Variants in GALNT13 observed in about 807,000 individuals in gnomAD.
GALNT13 encodes the protein polypeptide N-acetylgalactosaminyltransferase 13, also known as UDP-GalNAc:polypeptide N-acetylgalactosaminyltransferase 13.
A neutral mutation model predicts 64.2 loss-of-function variants in GALNT13; 28 were observed. That is an observed-to-expected ratio of 0.44 (90% CI 0.32 to 0.60). The LOEUF (loss-of-function observed/expected upper bound fraction) is 0.60. GALNT13 is among the 20% of genes least tolerant of loss of function. The probability of loss-of-function intolerance (pLI) is 0.05; values close to 1 mark genes in which losing one functional copy is unlikely to be tolerated. For synonymous variants in GALNT13, 214 were observed against 224.6 expected (o/e 0.95, Z 0.42); for missense variants, 577 against 669.8 (o/e 0.86, Z 1.53).
the GALNT13 span, among the ~76,000 whole-genome samples, chr2:153,543,664 T>G: frequency 5.6e-4 from 85 of 152,264 alleles, 1 homozygote; most frequent in East Asian, 0.014. Context: ...GAAAACTCAA[T>G]AAATGCCTGT....
chr2:154,298,461 A>G (rs1461048041), intron 8 of GALNT13, among the ~76,000 whole-genome samples: 1 of 108,208 alleles, frequency 9.2e-6, no homozygotes, highest in South Asian at 3.3e-4. Context: ...TTATATATAC[A>G]TATATAAATT....
intron 1 of GALNT13, among the ~76,000 whole-genome samples, chr2:153,879,658 C>T (rs375213151): frequency 2.6e-5 from 4 of 152,032 alleles, no homozygotes; most frequent in African/African-American, 7.2e-5. Flanking sequence ...CAGGCATGAG[C>T]CACTGATCCT....
At chr2:154,153,286 C>T (rs1684174213) in intron 4 of GALNT13, among the ~76,000 whole-genome samples, 1 of 148,178 alleles carries the variant, frequency 6.7e-6, no homozygotes, top group African/African-American at 2.5e-5. Context: ...GATCATTCCT[C>T]TGGAAGTGTC....
chr2:153,123,833 T>C, the GALNT13 span, among the ~76,000 whole-genome samples: 1 of 152,146 alleles, frequency 6.6e-6, no homozygotes, highest in Non-Finnish European at 1.5e-5. Context: ...TAGTAAGCAG[T>C]GTCTAAAATT....
the GALNT13 span, among the ~76,000 whole-genome samples, chr2:153,106,003 T>G: frequency 1.2e-4 from 19 of 152,310 alleles, no homozygotes; most frequent in African/African-American, 4.6e-4. Flanking sequence ...GTCAAGTCTC[T>G]GTTGACATGA....
the GALNT13 span, among the ~76,000 whole-genome samples, chr2:153,636,778 A>G: frequency 3.3e-5 from 5 of 152,272 alleles, no homozygotes; most frequent in Non-Finnish European, 7.4e-5. Flanking sequence ...ATTGCTAGGA[A>G]TTTAGAGGAA....
chr2:154,158,874 G>GGGTT (rs750655223), intron 4 of GALNT13, among the ~76,000 whole-genome samples: 5 of 151,926 alleles, frequency 3.3e-5, no homozygotes, highest in Non-Finnish European at 7.4e-5. Flanking sequence ...AGTCATAAAT[G>GGGTT]GGTTAACCCA....
chr2:153,197,996 G>A, the GALNT13 span, among the ~76,000 whole-genome samples: 3 of 152,162 alleles, frequency 2.0e-5, no homozygotes, highest in Non-Finnish European at 4.4e-5. Context: ...ACCTCCCTTG[G>A]CCCTGCTTGT....
chr2:154,274,189 G>A (rs1236945508), intron 8 of GALNT13, among the ~76,000 whole-genome samples: 1 of 152,148 alleles, frequency 6.6e-6, no homozygotes, highest in African/African-American at 2.4e-5. Context: ...GTGTGGGTAT[G>A]TAAGATAGCA....
the GALNT13 span, among the ~76,000 whole-genome samples, chr2:153,661,247 T>C: frequency 4.6e-5 from 7 of 152,304 alleles, no homozygotes; most frequent in Admixed American, 2.0e-4. Context: ...TCAAGAGTTC[T>C]TGGTTAACAG....
the GALNT13 span, among the ~76,000 whole-genome samples, chr2:153,809,902 C>T: frequency 2.0e-5 from 3 of 152,114 alleles, no homozygotes; most frequent in Non-Finnish European, 4.4e-5. Flanking sequence ...CAATTTCTCC[C>T]TTCCCAAACA....
chr2:153,609,088 TTTTG>T, the GALNT13 span, among the ~76,000 whole-genome samples: 1,645 of 150,564 alleles, frequency 0.011, 26 homozygotes, highest in African/African-American at 0.037. Flanking sequence ...AGCTAAGTTT[TTTTG>T]TTTGTTTGTT....
In GALNT13 at chr2:154,407,083, T is replaced by C. The variant is rs1181210023; in HGVS notation, c.1297-1901T>C. Among the ~76,000 whole-genome samples, 3 of 152,156 alleles carry C rather than the reference T, an allele frequency of 2.0e-5. No homozygotes were observed. The East Asian group carries it at 5.8e-4, about 29-fold the overall frequency. ...CTGTCAGAGTATGTACTAGGCTGAA[T>C]ATGGCTTTGAATTTTCTGCTTTCCA... On this transcript the variant is annotated intron_variant, in intron 10 of 12. Coordinates refer to ENST00000392825, the MANE Select transcript of GALNT13 (RefSeq NM_052917.4).
the GALNT13 span, among the ~76,000 whole-genome samples, chr2:153,426,480 A>C: frequency 1.3e-5 from 2 of 152,034 alleles, no homozygotes; most frequent in Admixed American, 1.3e-4. Flanking sequence ...CCAGTATTAC[A>C]GATTAAACTA....
At chr2:153,952,011 C>G (rs1451741330) in intron 3 of GALNT13, among the ~76,000 whole-genome samples, 1 of 152,080 alleles carries the variant, frequency 6.6e-6, no homozygotes, top group Non-Finnish European at 1.5e-5. Flanking sequence ...TAAAGGACTG[C>G]TCTTGGGCAA....
the GALNT13 span, among the ~76,000 whole-genome samples, chr2:153,850,227 C>T: frequency 1.3e-5 from 2 of 151,312 alleles, no homozygotes; most frequent in Admixed American, 6.6e-5. Context: ...AGAAATGAAA[C>T]ATAGAGAACA....
chr2:154,097,372 T>C (rs1373513948), intron 3 of GALNT13, among the ~76,000 whole-genome samples: 1 of 152,026 alleles, frequency 6.6e-6, no homozygotes, highest in Admixed American at 6.6e-5. Context: ...GCTACACCAA[T>C]AGGTGGGAAG....
the GALNT13 span, among the ~76,000 whole-genome samples, chr2:153,217,719 A>G: frequency 6.6e-6 from 1 of 151,916 alleles, no homozygotes; most frequent in African/African-American, 2.4e-5. Context: ...CTTACCCTAC[A>G]TGTTTCCCCC....
intron 3 of GALNT13, among the ~76,000 whole-genome samples, chr2:153,966,421 A>G (rs1227584584): frequency 6.6e-6 from 1 of 150,726 alleles, no homozygotes; most frequent in African/African-American, 2.4e-5. Flanking sequence ...GCTGGAGTGC[A>G]GTGGCGGGAT....
Sources: gnomAD v4.1 joint callset for allele counts (sites outside exome capture counted in the v4.1 genomes callset) on GRCh38, gnomAD v4.1.1 for gene constraint, MANE v1.5 for transcripts, NCBI Gene and HGNC (gene_info 2026-07-23, HGNC 2026-07-21) for gene names.